NCAPD2: variants seen among roughly 807,000 people sequenced by gnomAD.
The protein encoded by NCAPD2 is condensin complex subunit 1.
In NCAPD2, 100 loss-of-function variants were observed where a neutral mutation model predicts 164.5. The ratio of observed to expected loss-of-function variants is 0.61; its 90% confidence interval spans 0.52 to 0.72. NCAPD2 has a LOEUF of 0.72. Among genes scored for constraint, NCAPD2 ranks in the 30% least tolerant of loss-of-function variants. The probability of loss-of-function intolerance (pLI) is 0.00; values close to 1 mark genes in which losing one functional copy is unlikely to be tolerated. For synonymous variants in NCAPD2, 585 were observed against 642.6 expected, an observed-to-expected ratio of 0.91 and a Z score of 1.36; for missense variants, 1,560 against 1,749.2, an observed-to-expected ratio of 0.89 and a Z score of 1.93.
intron 21 of NCAPD2, 27 bp from the exon 22 acceptor site, chr12:6,526,864 C>T (rs374593957): frequency 1.2e-5 from 19 of 1,580,424 alleles, no homozygotes; most frequent in Middle Eastern, 4.2e-4. Flanking sequence ...GTCTCTTTGC[C>T]CCACCTTCCC....
chr12:6,511,991 A>T (rs1240930457), intron 6 of NCAPD2, among the ~76,000 whole-genome samples: 1 of 142,078 alleles, frequency 7.0e-6, no homozygotes, highest in Non-Finnish European at 1.5e-5. Context: ...TCTCAAAAAA[A>T]ATAGATAGGG....
intron 2 of NCAPD2, among the ~76,000 whole-genome samples, chr12:6,503,758 G>A (rs953560155): frequency 1.4e-5 from 2 of 147,476 alleles, no homozygotes; most frequent in African/African-American, 2.5e-5. Flanking sequence ...GTGACAGAGC[G>A]AGACTCCATC....
chr12:6,522,729 G>T, intron 15 of NCAPD2, 99 bp from the exon 16 acceptor site: 2 of 1,327,846 alleles, frequency 1.5e-6, no homozygotes, highest in East Asian at 2.3e-5. Flanking sequence ...AATGCGGAAG[G>T]CCTCCATTTG....
chr12:6,506,429 AAG>A (rs1946099401), intron 2 of NCAPD2, among the ~76,000 whole-genome samples: 1 of 151,952 alleles, frequency 6.6e-6, no homozygotes, highest in African/African-American at 2.4e-5. Flanking sequence ...TCTACTAAAA[AAG>A]TACAAAAAAT....
chr12:6,520,854 T>C (rs1464162341), intron 13 of NCAPD2, 132 bp from the exon 14 acceptor site: 1 of 1,266,416 alleles, frequency 7.9e-7, no homozygotes, highest in African/African-American at 1.5e-5. Flanking sequence ...CTGTAACAAC[T>C]TTTTAAGCAT....
At chr12:6,518,517 T>TTTTTTTTG (rs1946231275) in intron 13 of NCAPD2, among the ~76,000 whole-genome samples, 3 of 113,072 alleles carry the variant, frequency 2.7e-5, no homozygotes, top group Admixed American at 9.2e-5. Flanking sequence ...TTTTTTTTTT[T>TTTTTTTTG]TTTTTTTTTT....
chr12:6,529,187 C>A, intron 27 of NCAPD2, 148 bp downstream of exon 27: 1 of 681,540 alleles, frequency 1.5e-6, no homozygotes, highest in Admixed American at 2.8e-5. Context: ...ATTTCCTCTT[C>A]TTTTGAGGCT....
At chr12:6,509,690 A>G (rs1376956150) in intron 2 of NCAPD2, 27 bp from the exon 3 acceptor site, 4 of 1,609,650 alleles carry the variant, frequency 2.5e-6, no homozygotes, top group Non-Finnish European at 3.4e-6. Flanking sequence ...TTCCCTCCAA[A>G]TTGATTTGTT....
intron 2 of NCAPD2, among the ~76,000 whole-genome samples, chr12:6,506,371 G>A (rs894216440): frequency 9.2e-5 from 14 of 151,994 alleles, no homozygotes; most frequent in Non-Finnish European, 1.8e-4. Context: ...GGCGGATCAC[G>A]AGGTCAGGAG....
chr12:6,523,693 G>A (rs774922999), intron 17 of NCAPD2, among the ~76,000 whole-genome samples: 2 of 152,138 alleles, frequency 1.3e-5, no homozygotes, highest in Non-Finnish European at 2.9e-5. Flanking sequence ...CAAAGCGCCC[G>A]GCAACAAGTA....
intron 2 of NCAPD2, 142 bp from the exon 3 acceptor site, chr12:6,509,575 T>C (rs556628601): frequency 6.2e-6 from 5 of 812,150 alleles, no homozygotes; most frequent in Non-Finnish European, 1.0e-5. Flanking sequence ...ATCGTCATTA[T>C]AGGTTACATT....
intron 3 of NCAPD2, 134 bp downstream of exon 3, chr12:6,509,926 G>A: frequency 8.0e-7 from 1 of 1,250,252 alleles, no homozygotes; most frequent in Non-Finnish European, 1.1e-6. Flanking sequence ...CTACTGATGA[G>A]CATGTACCCA....
At chr12:6,514,649 T>C (rs1946182636) in intron 8 of NCAPD2, 62 bp downstream of exon 8, 1 of 1,612,254 alleles carries the variant, frequency 6.2e-7, no homozygotes, top group African/African-American at 1.3e-5. Context: ...TAAAGAAAGA[T>C]TGGAAATACA....
intron 15 of NCAPD2, 47 bp downstream of exon 15, chr12:6,522,084 G>A (rs768734078): frequency 3.9e-5 from 62 of 1,569,902 alleles, no homozygotes; most frequent in Non-Finnish European, 5.0e-5. Flanking sequence ...GGTTCTTTTG[G>A]ATTTTTTAAT....
rs761935164 is a variant in NCAPD2, at chr12:6,529,003, T to G, written c.3536T>G (p.Leu1179Arg). 1.2e-6 allele frequency: 2 copies of G among 1,613,360 alleles called. No individual in the cohort carries two copies. The highest frequency in any genetic ancestry group is 1.3e-5 in the African/African-American group (1 of 75,006). The change falls in exon 27 of 32, where the codon CTG (leucine) becomes CGG (arginine). Residue 1179 changes from leucine to arginine, a missense_variant. Leu to Arg is a moderately radical substitution (Grantham distance 102). Coordinates refer to ENST00000315579, the MANE Select transcript of NCAPD2 (RefSeq NM_014865.4). ...DIISRLSDPELGVEEEPFHTI... is the reference protein window; with the variant it reads ...DIISRLSDPERGVEEEPFHTI... ...ATCAGCCGCCTGTCAGACCCCGAGC[T>G]GGGGGTGGAGGAAGAGCCTTTCCAC... is the stretch of plus-strand genomic sequence containing the variant.
intron 2 of NCAPD2, among the ~76,000 whole-genome samples, chr12:6,498,903 C>T (rs1460533027): frequency 7.2e-5 from 11 of 152,042 alleles, no homozygotes; most frequent in Admixed American, 7.2e-4. Flanking sequence ...TGCGCCTGGC[C>T]TGTTTAACAA....
chr12:6,506,601 A>G (rs1056346438), intron 2 of NCAPD2, among the ~76,000 whole-genome samples: 5 of 152,018 alleles, frequency 3.3e-5, no homozygotes, highest in African/African-American at 1.2e-4. Flanking sequence ...AGAAAAAAAA[A>G]AAAGACATAT....
Position 6,528,575 on chromosome 12 carries a change from G to C in NCAPD2, c.3300-104G>C, listed in dbSNP as rs1235939146. On this transcript the variant is annotated intron_variant, in intron 25 of 31. Coordinates refer to ENST00000315579, the MANE Select transcript of NCAPD2 (RefSeq NM_014865.4). This position sits in a 1 kb window ranked among gnomAD's most constrained non-coding sequence, Gnocchi z 5.1. ...AGACAGCTTTCTGACTGCTTCTGGA[G>C]TGGCAGAGCATGGGATAATTGATTC... 2 of 1,347,184 alleles carry C rather than the reference G, an allele frequency of 1.5e-6. No homozygotes were observed. Among genetic ancestry groups the C allele is most frequent in the East Asian group, 4.6e-5 (2 of 43,284 alleles). 83.5% of individuals were successfully genotyped at this position (1,347,184 alleles called of 1,614,324 possible).
rs770934236 is a variant in NCAPD2 at position 6,511,205 on chromosome 12, C to T, written c.540C>T (p.Asp180=). The change falls in exon 6 of 32, where the codon GAC becomes GAT. Residue 180 remains aspartate (D), a synonymous_variant. Coordinates refer to ENST00000315579, the MANE Select transcript of NCAPD2 (RefSeq NM_014865.4). Reference sequence around the variant, plus strand: ...TTTTAACACAGCTACTTCAGTTGGACATCCGTCACCTGTGGAACCACTCAA... The same window carrying T: ...TTTTAACACAGCTACTTCAGTTGGATATCCGTCACCTGTGGAACCACTCAA... The part of the protein sequence containing the change: ...LQLLTQLLQL[D]IRHLWNHSII... The T allele has an allele frequency of 2.5e-6, 4 of 1,614,240 alleles. No individual in the cohort carries two copies. In the Admixed American group the frequency reaches 6.7e-5, roughly 27 times the overall value.
Sources: allele counts gnomAD v4.1 joint callset (sites outside exome capture counted in the v4.1 genomes callset), GRCh38; gene constraint gnomAD v4.1.1; non-coding constraint Gnocchi (gnomAD v3.1); transcripts MANE v1.5; gene names NCBI Gene and HGNC (gene_info 2026-07-23, HGNC 2026-07-21).